The following TYW1 variants were observed in gnomAD, a reference collection of about 807,000 sequenced individuals.
TYW1 encodes the protein tRNA-yW synthesizing protein 1 homolog.
In TYW1, 46 loss-of-function variants were observed where a neutral mutation model predicts 96.2. That is an observed-to-expected ratio of 0.48 (90% confidence interval 0.38 to 0.61). The LOEUF (loss-of-function observed/expected upper bound fraction) is 0.61, where lower values mean the gene tolerates loss of function less well. Ranked by LOEUF, TYW1 falls within the 20% of genes least tolerant of loss-of-function variation. The pLI is 0.00. For missense variants in TYW1, 684 were observed against 909.6 expected, an observed-to-expected ratio of 0.75 and a Z score of 3.19; for synonymous variants, 274 against 323.0, an observed-to-expected ratio of 0.85 and a Z score of 1.63.
intron 6 of TYW1, among the ~76,000 whole-genome samples, chr7:67,023,004 G>T (rs1376417593): frequency 6.6e-6 from 1 of 152,174 alleles, no homozygotes; most frequent in Middle Eastern, 3.2e-3. Flanking sequence ...CTTATCAGCA[G>T]CATCTGATTA....
intron 13 of TYW1, among the ~76,000 whole-genome samples, chr7:67,139,612 A>G (rs910685243): frequency 2.0e-5 from 3 of 152,072 alleles, no homozygotes; most frequent in Admixed American, 1.3e-4. Flanking sequence ...TCTCTATTCA[A>G]GGTTCCCACA....
chr7:67,136,650 CGTGTGTGT>C (rs59522817), intron 13 of TYW1, among the ~76,000 whole-genome samples: 51,581 of 143,864 alleles, frequency 0.36, 9,704 homozygotes, highest in African/African-American at 0.51. Context: ...TTATACAGTG[CGTGTGTGT>C]GTGTGTGTGT....
At chr7:67,202,571 A>G (rs781563443) in intron 15 of TYW1, among the ~76,000 whole-genome samples, 10 of 151,884 alleles carry the variant, frequency 6.6e-5, no homozygotes, top group Non-Finnish European at 1.3e-4. Context: ...TAATTTTTAA[A>G]TTTGTTATTG....
intron 13 of TYW1, among the ~76,000 whole-genome samples, chr7:67,156,656 A>G (rs1412892429): frequency 6.6e-6 from 1 of 152,170 alleles, no homozygotes; most frequent in Non-Finnish European, 1.5e-5. Flanking sequence ...TTGTGCTGCT[A>G]CAGCCTTCTG....
At chr7:67,008,002 C>T (rs543593776) in intron 3 of TYW1, among the ~76,000 whole-genome samples, 17 of 152,158 alleles carry the variant, frequency 1.1e-4, no homozygotes, top group Non-Finnish European at 1.8e-4. Context: ...CACAAGACTG[C>T]CCCCACTTCA....
chr7:67,226,748 T>C (rs1801570815), intron 15 of TYW1, among the ~76,000 whole-genome samples: 1 of 152,236 alleles, frequency 6.6e-6, no homozygotes, highest in Non-Finnish European at 1.5e-5. Flanking sequence ...GTGAACCCAC[T>C]GGGTGGTTTC....
intron 13 of TYW1, among the ~76,000 whole-genome samples, chr7:67,137,049 C>CTGATCTCAGG (rs539011685): frequency 0.21 from 26,638 of 129,380 alleles, 3,327 homozygotes; most frequent in African/African-American, 0.34. Flanking sequence ...TCTCAAACTT[C>CTGATCTCAGG]TGATCCACCC....
At chr7:67,143,781 A>G (rs1798521443) in intron 13 of TYW1, among the ~76,000 whole-genome samples, 1 of 152,256 alleles carries the variant, frequency 6.6e-6, no homozygotes, top group Admixed American at 6.5e-5. Context: ...AGTGCCTGGC[A>G]CACTGAGAGA....
At chr7:67,015,974 AAG>A (rs1365056041) in intron 5 of TYW1, among the ~76,000 whole-genome samples, 13 of 152,016 alleles carry the variant, frequency 8.6e-5, no homozygotes, top group African/African-American at 3.1e-4. Context: ...AAAAAAAAAA[AAG>A]ATCATGAATT....
At chr7:67,063,888 A>T (rs1466273375) in intron 9 of TYW1, among the ~76,000 whole-genome samples, 1 of 152,180 alleles carries the variant, frequency 6.6e-6, no homozygotes, top group East Asian at 1.9e-4. Flanking sequence ...GGCGTGAGCC[A>T]CTGTGCCTGG....
intron 12 of TYW1, among the ~76,000 whole-genome samples, chr7:67,105,019 C>T (rs1242420666): frequency 6.6e-6 from 1 of 152,232 alleles, no homozygotes; most frequent in East Asian, 1.9e-4. Flanking sequence ...ACTCACATGG[C>T]CTCTCATCCC....
chr7:67,107,548 T>C (rs148260368), intron 12 of TYW1, among the ~76,000 whole-genome samples: 240 of 152,232 alleles, frequency 1.6e-3, no homozygotes, highest in African/African-American at 5.5e-3. Context: ...GAGGATAACT[T>C]TTCAGTGCCC....
intron 8 of TYW1, among the ~76,000 whole-genome samples, chr7:67,051,815 G>A (rs1253921951): frequency 6.6e-6 from 1 of 151,480 alleles, no homozygotes; most frequent in Non-Finnish European, 1.5e-5. Flanking sequence ...AGGTTTGTTG[G>A]TGGTGAATTC....
At chr7:67,110,517 CAG>C (rs1431351344) in intron 12 of TYW1, among the ~76,000 whole-genome samples, 9 of 152,164 alleles carry the variant, frequency 5.9e-5, no homozygotes, top group African/African-American at 2.2e-4. Flanking sequence ...GCTAACCAAA[CAG>C]AGACTTCAGT....
chr7:67,151,498 T>G (rs2687025), intron 13 of TYW1, among the ~76,000 whole-genome samples: 1 of 147,358 alleles, frequency 6.8e-6, no homozygotes, highest in Non-Finnish European at 1.5e-5. Context: ...AGGTCTTTCT[T>G]TTTCCTAATG....
At position 67,011,958 on chromosome 7, in the gene TYW1, G is replaced by A. The variant is rs1471542510; in HGVS notation, c.375+2274G>A. Among the ~76,000 whole-genome samples, 3 of 152,048 alleles carry A rather than the reference G, an allele frequency of 2.0e-5. No homozygotes were observed. The East Asian group carries it at 5.8e-4, about 29-fold the overall frequency. On this transcript the variant is annotated intron_variant, in intron 4 of 15. Transcript: ENST00000359626. ...GGCCAGGTAGTATCTTCACCTTTGT[G>A]GGCTGGGCAGCTACTCAGTTTTGCC...
At chr7:67,228,958 G>A (rs1400417072) in intron 15 of TYW1, among the ~76,000 whole-genome samples, 1 of 152,200 alleles carries the variant, frequency 6.6e-6, no homozygotes, top group Non-Finnish European at 1.5e-5. Context: ...GCCTGTAACT[G>A]TTAGGAACTA....
intron 11 of TYW1, among the ~76,000 whole-genome samples, chr7:67,093,462 G>A (rs553343834): frequency 2.1e-4 from 32 of 152,302 alleles, no homozygotes; most frequent in Admixed American, 1.6e-3. Context: ...GGGCCTAGCC[G>A]ATGCTCCTTC....
At chr7:67,029,637 T>G (rs1794607880) in intron 7 of TYW1, among the ~76,000 whole-genome samples, 1 of 151,844 alleles carries the variant, frequency 6.6e-6, no homozygotes, top group South Asian at 2.1e-4. Flanking sequence ...GCTATCTACT[T>G]TTTTGCCGGA....
Sources: gnomAD v4.1 joint callset for allele counts (sites outside exome capture counted in the v4.1 genomes callset) on GRCh38, gnomAD v4.1.1 for gene constraint, MANE v1.5 for transcripts, NCBI Gene and HGNC (gene_info 2026-07-23, HGNC 2026-07-21) for gene names.